Variants in KCNK2 observed in about 807,000 individuals in gnomAD.
KCNK2 encodes potassium channel subfamily K member 2.
In KCNK2, 21 loss-of-function variants were observed where a neutral mutation model predicts 40.5. The ratio of observed to expected loss-of-function variants is 0.52; its 90% CI spans 0.37 to 0.75. The LOEUF is 0.75. KCNK2 is among the 30% of genes least tolerant of loss of function. The pLI is 0.00. For synonymous variants in KCNK2, 191 were observed against 202.2 expected, an observed-to-expected ratio of 0.94 and a Z score of 0.47; for missense variants, 399 against 531.6, an observed-to-expected ratio of 0.75 and a Z score of 2.45.
At chr1:215,229,431 A>G (rs1666526600) in intron 6 of KCNK2, among the ~76,000 whole-genome samples, 1 of 152,132 alleles carries the variant, frequency 6.6e-6, no homozygotes, top group South Asian at 2.1e-4. Context: ...TAGGAGGCTA[A>G]GGCAGGAGAA....
intron 6 of KCNK2, among the ~76,000 whole-genome samples, chr1:215,202,928 C>A (rs1324011367): frequency 6.6e-6 from 1 of 152,114 alleles, no homozygotes; most frequent in Admixed American, 6.5e-5. Flanking sequence ...TGTTTCTTAT[C>A]TGTTGTTGTT....
chr1:215,162,179 G>T (rs1423443274), intron 3 of KCNK2, among the ~76,000 whole-genome samples: 1 of 152,164 alleles, frequency 6.6e-6, no homozygotes, highest in Non-Finnish European at 1.5e-5. Context: ...GAACAGTGAT[G>T]ATGAGCTTTC....
intron 1 of KCNK2, among the ~76,000 whole-genome samples, chr1:215,007,571 T>C (rs1656226073): frequency 6.6e-6 from 1 of 151,978 alleles, no homozygotes; most frequent in Admixed American, 6.6e-5. Context: ...ACTGTTCTAG[T>C]GCTCTAATTT....
At position 215,083,269 on chromosome 1, in the gene KCNK2, C is replaced by G. The variant is rs767708308; in HGVS notation, c.-117C>G. 75 of 1,612,532 alleles carry G rather than the reference C, an allele frequency of 4.7e-5. 1 individual carries two copies. Among genetic ancestry groups the G allele is most frequent in the South Asian group, 1.4e-4 (13 of 91,014 alleles). ...AACAAAGCCGGGGAAAATGCCTGCC[C>G]GTGCAGCTCGGAGCGCGCAGCCCGT... is the stretch of plus-strand genomic sequence containing the variant. On this transcript the variant is annotated 5_prime_UTR_variant, in exon 1 of 7. Coordinates refer to ENST00000444842, the MANE Select transcript of KCNK2 (RefSeq NM_001017425.3).
intron 1 of KCNK2, among the ~76,000 whole-genome samples, chr1:215,054,473 A>G (rs1240972179): frequency 6.6e-6 from 1 of 152,182 alleles, no homozygotes; most frequent in African/African-American, 2.4e-5. Context: ...TGTTCAGTGT[A>G]TAGGGAACTT....
At chr1:215,147,563 G>C (rs1196421183) in intron 3 of KCNK2, among the ~76,000 whole-genome samples, 1 of 152,066 alleles carries the variant, frequency 6.6e-6, no homozygotes, top group Non-Finnish European at 1.5e-5. Flanking sequence ...CTGGCGCAGT[G>C]GCTCATGCCT....
At chr1:215,195,501 CT>C (rs1486333277) in intron 6 of KCNK2, among the ~76,000 whole-genome samples, 3 of 151,724 alleles carry the variant, frequency 2.0e-5, no homozygotes, top group Non-Finnish European at 2.9e-5. Context: ...ATGTGGAAGG[CT>C]TTTTACCTTT....
chr1:215,092,989 G>A lies in KCNK2; in HGVS notation c.357+6311G>A, dbSNP rs148556369. Among the ~76,000 whole-genome samples the A allele has an allele frequency of 1.2e-3, 188 of 152,278 alleles. 1 individual carries two copies. The highest frequency in any genetic ancestry group is 4.0e-3 in the African/African-American group (167 of 41,568). On this transcript the variant is annotated intron_variant, in intron 2 of 6. Transcript: ENST00000444842. The stretch of plus-strand genomic sequence containing the variant: ...TTGAGTTGATTATTAGGACATCCAA[G>A]TGGAGATGTTAAGTAGGAAGCTGCA...
At chr1:215,141,266 A>G (rs1443826841) in intron 3 of KCNK2, among the ~76,000 whole-genome samples, 2 of 152,126 alleles carry the variant, frequency 1.3e-5, no homozygotes, top group African/African-American at 4.8e-5. Flanking sequence ...AAATACATAA[A>G]CCAGTACCAT....
rs185468064 is a variant in KCNK2, at chr1:215,160,267, A to G, written c.476-8932A>G. Among the ~76,000 whole-genome samples the G allele has an allele frequency of 5.9e-5, 9 of 152,316 alleles. No homozygotes were observed. The East Asian group carries it at 1.7e-3, about 29-fold the overall frequency. On this transcript the variant is annotated intron_variant, in intron 3 of 6. Coordinates refer to ENST00000444842, the MANE Select transcript of KCNK2 (RefSeq NM_001017425.3). Reference sequence around the variant, plus strand: ...GCAGAGAACTAAGGGATAAAATGGCATGATGTCTACAGCTTACTATAAAAT... The same window carrying G: ...GCAGAGAACTAAGGGATAAAATGGCGTGATGTCTACAGCTTACTATAAAAT...
chr1:215,044,826 T>TGTGC (rs142895602), intron 1 of KCNK2, among the ~76,000 whole-genome samples: 5,684 of 140,560 alleles, frequency 0.04, 155 homozygotes, highest in Middle Eastern at 0.083. Flanking sequence ...TGTGTGTGTG[T>TGTGC]GCGCGCGCAC....
intron 1 of KCNK2, among the ~76,000 whole-genome samples, chr1:215,019,902 T>C (rs1003792292): frequency 6.6e-6 from 1 of 152,148 alleles, no homozygotes; most frequent in Non-Finnish European, 1.5e-5. Flanking sequence ...TTTTCAAAAA[T>C]TTCAGGTTGT....
intron 6 of KCNK2, among the ~76,000 whole-genome samples, chr1:215,220,138 C>A (rs1666112482): frequency 6.6e-6 from 1 of 152,182 alleles, no homozygotes; most frequent in South Asian, 2.1e-4. Flanking sequence ...ATGCATATTT[C>A]CATATCTGTT....
intron 1 of KCNK2, among the ~76,000 whole-genome samples, chr1:215,085,392 G>A (rs184642930): frequency 6.6e-6 from 1 of 152,192 alleles, no homozygotes; most frequent in East Asian, 1.9e-4. Flanking sequence ...GCAAGTAGAA[G>A]TCTAGTATCT....
At chr1:215,170,369 A>G (rs1482479385) in intron 4 of KCNK2, among the ~76,000 whole-genome samples, 2 of 152,298 alleles carry the variant, frequency 1.3e-5, no homozygotes, top group African/African-American at 4.8e-5. Flanking sequence ...AAATAAGAAT[A>G]CTATGATGAT....
At chr1:215,046,616 G>A (rs1657781755) in intron 1 of KCNK2, among the ~76,000 whole-genome samples, 1 of 152,002 alleles carries the variant, frequency 6.6e-6, no homozygotes. Flanking sequence ...ATATTCATAG[G>A]TTCAGATCAG....
intron 3 of KCNK2, among the ~76,000 whole-genome samples, chr1:215,166,647 G>T (rs546449360): frequency 8.5e-5 from 13 of 152,078 alleles, no homozygotes; most frequent in Non-Finnish European, 1.9e-4. Flanking sequence ...CTACATGAAA[G>T]TCCAGACTCC....
intron 2 of KCNK2, among the ~76,000 whole-genome samples, chr1:215,105,985 AT>A (rs1660424482): frequency 6.6e-6 from 1 of 151,982 alleles, no homozygotes; most frequent in Non-Finnish European, 1.5e-5. Context: ...TTCTTATTCA[AT>A]CTACTATTGA....
chr1:215,225,680 C>T (rs1357279782), intron 6 of KCNK2, among the ~76,000 whole-genome samples: 1 of 152,068 alleles, frequency 6.6e-6, no homozygotes, highest in Non-Finnish European at 1.5e-5. Flanking sequence ...TTCAAATTAC[C>T]ATGTTGGGTA....
Sources: gnomAD v4.1 joint callset for allele counts (sites outside exome capture counted in the v4.1 genomes callset) on GRCh38, gnomAD v4.1.1 for gene constraint, MANE v1.5 for transcripts, NCBI Gene and HGNC (gene_info 2026-07-23, HGNC 2026-07-21) for gene names.